The following RBFOX1 variants were observed in gnomAD, a reference collection of about 807,000 sequenced individuals.
The protein encoded by RBFOX1 is RNA binding fox-1 homolog 1, also known as RNA binding protein fox-1 homolog 1.
Under a neutral mutation model 57.7 loss-of-function variants are expected in RBFOX1, and 8 were observed. The ratio of observed to expected loss-of-function variants is 0.14; its 90% confidence interval spans 0.08 to 0.25. RBFOX1 has a LOEUF of 0.25. RBFOX1 is among the 10% of genes least tolerant of loss of function. The pLI is 1.00. For missense variants in RBFOX1, 611 were observed against 548.5 expected (o/e 1.11, Z -1.14); for synonymous variants, 326 against 222.4 (o/e 1.47, Z -4.15).
At chr16:6,645,048 C>A (rs1483269814) in intron 2 of RBFOX1, among the ~76,000 whole-genome samples, 1 of 152,284 alleles carries the variant, frequency 6.6e-6, no homozygotes, top group East Asian at 1.9e-4. Flanking sequence ...GCTCTCCCAG[C>A]AAAGGTTCTG....
intron 3 of RBFOX1, among the ~76,000 whole-genome samples, chr16:6,928,644 T>A (rs867784714): frequency 2.0e-5 from 3 of 152,304 alleles, no homozygotes; most frequent in Middle Eastern, 3.4e-3. Context: ...CTTGCATTCA[T>A]GTGGGATTCT....
chr16:6,091,336 G>T (rs1446525819), intron 1 of RBFOX1, among the ~76,000 whole-genome samples: 1 of 152,116 alleles, frequency 6.6e-6, no homozygotes, highest in Non-Finnish European at 1.5e-5. Context: ...AAGAAGATTT[G>T]TCTGACCCCC....
At chr16:6,652,666 T>G (rs1340613648) in intron 2 of RBFOX1, among the ~76,000 whole-genome samples, 2 of 152,130 alleles carry the variant, frequency 1.3e-5, no homozygotes, top group Non-Finnish European at 2.9e-5. Flanking sequence ...GTAATATTTT[T>G]TATGGCATTC....
intron 2 of RBFOX1, among the ~76,000 whole-genome samples, chr16:6,593,985 T>G (rs2097752076): frequency 6.6e-6 from 1 of 152,188 alleles, no homozygotes; most frequent in Non-Finnish European, 1.5e-5. Context: ...CGTGGAAGAT[T>G]CCAGCCTCCC....
At chr16:5,344,662 G>A (rs555489504) in intron 1 of RBFOX1, among the ~76,000 whole-genome samples, 36 of 152,120 alleles carry the variant, frequency 2.4e-4, no homozygotes, top group Middle Eastern at 6.8e-3. Flanking sequence ...AACCTGGCTG[G>A]AATTCTGAAC....
chr16:5,776,677 C>T (rs1276971771), intron 3 of RBFOX1, among the ~76,000 whole-genome samples: 3 of 152,230 alleles, frequency 2.0e-5, no homozygotes, highest in Non-Finnish European at 4.4e-5. Flanking sequence ...CCAGTTGACA[C>T]TAAGCTAGAA....
At chr16:5,768,856 A>T (rs2053880029) in intron 3 of RBFOX1, among the ~76,000 whole-genome samples, 2 of 152,070 alleles carry the variant, frequency 1.3e-5, no homozygotes, top group South Asian at 4.1e-4. Context: ...GACTACACGG[A>T]CCATCACTGT....
intron 2 of RBFOX1, among the ~76,000 whole-genome samples, chr16:6,337,028 A>C (rs146249232): frequency 6.6e-6 from 1 of 152,212 alleles, no homozygotes; most frequent in Non-Finnish European, 1.5e-5. Context: ...GGCATTGAGG[A>C]AAGCATTTTT....
intron 10 of RBFOX1, among the ~76,000 whole-genome samples, chr16:7,627,896 C>G (rs2060323725): frequency 1.3e-5 from 2 of 149,022 alleles, no homozygotes; most frequent in Middle Eastern, 3.4e-3. Context: ...TACAAAAGGT[C>G]AAAATCATTG....
intron 1 of RBFOX1, among the ~76,000 whole-genome samples, chr16:5,347,399 A>G (rs2065163792): frequency 1.3e-5 from 2 of 152,200 alleles, no homozygotes; most frequent in African/African-American, 2.4e-5. Flanking sequence ...AAATGGAGCT[A>G]TTAGCCTATG....
At chr16:5,777,656 C>T (rs2054190229) in intron 3 of RBFOX1, among the ~76,000 whole-genome samples, 2 of 152,148 alleles carry the variant, frequency 1.3e-5, no homozygotes, top group Admixed American at 6.5e-5. Context: ...GCTAGTACAA[C>T]CAAATAGGGT....
intron 4 of RBFOX1, among the ~76,000 whole-genome samples, chr16:7,113,871 C>A (rs1244000396): frequency 6.6e-6 from 1 of 152,112 alleles, no homozygotes; most frequent in Non-Finnish European, 1.5e-5. Flanking sequence ...CACAATGGCA[C>A]TCTCGGGTCA....
At chr16:6,715,680 G>T (rs1000461344) in intron 3 of RBFOX1, among the ~76,000 whole-genome samples, 1 of 152,170 alleles carries the variant, frequency 6.6e-6, no homozygotes, top group Admixed American at 6.5e-5. Flanking sequence ...TCTTGAAGAT[G>T]AAGCAGCCCA....
intron 14 of RBFOX1, among the ~76,000 whole-genome samples, chr16:7,700,248 C>T (rs118145266): frequency 6.6e-6 from 1 of 152,302 alleles, no homozygotes; most frequent in Non-Finnish European, 1.5e-5. Context: ...GCAGTCCTCT[C>T]AGTCTTAATA....
At chr16:6,533,361 A>T (rs1010092605) in intron 2 of RBFOX1, among the ~76,000 whole-genome samples, 1 of 152,228 alleles carries the variant, frequency 6.6e-6, no homozygotes, top group Non-Finnish European at 1.5e-5. Flanking sequence ...AAAGGGATGA[A>T]GGTACCATTA....
chr16:7,527,286 A>T (rs1600922865), intron 5 of RBFOX1, among the ~76,000 whole-genome samples: 1 of 152,126 alleles, frequency 6.6e-6, no homozygotes, highest in East Asian at 1.9e-4. Flanking sequence ...CTTGGCTTTC[A>T]GGATAAACTA....
intron 3 of RBFOX1, among the ~76,000 whole-genome samples, chr16:6,989,053 G>A (rs1464028120): frequency 2.0e-5 from 3 of 152,080 alleles, no homozygotes; most frequent in Non-Finnish European, 4.4e-5. Flanking sequence ...GTGAGCCACC[G>A]CGCCCGGCTT....
At chr16:5,281,952 T>A (rs1258337530) in intron 1 of RBFOX1, among the ~76,000 whole-genome samples, 4 of 152,220 alleles carry the variant, frequency 2.6e-5, no homozygotes, top group African/African-American at 9.6e-5. Flanking sequence ...CCTGTCATTT[T>A]GTTCATTGTT....
At chr16:5,688,969 A>T (rs1339458120) in intron 3 of RBFOX1, among the ~76,000 whole-genome samples, 2 of 152,198 alleles carry the variant, frequency 1.3e-5, no homozygotes, top group African/African-American at 4.8e-5. Context: ...TCACAGCTCT[A>T]CCTACCAAAT....
Sources: allele counts gnomAD v4.1 joint callset (sites outside exome capture counted in the v4.1 genomes callset), GRCh38; gene constraint gnomAD v4.1.1; transcripts MANE v1.5; gene names NCBI Gene and HGNC (gene_info 2026-07-23, HGNC 2026-07-21).